SPATA31G1: variants seen among roughly 807,000 people sequenced by gnomAD.
The protein encoded by SPATA31G1 is spermatogenesis-associated protein 31G1.
the SPATA31G1 span, chr9:35,041,607 C>T: frequency 0.22 from 33,458 of 153,556 alleles, 4,060 homozygotes; most frequent in East Asian, 0.54. Flanking sequence ...ATGGTTCACG[C>T]CTATAATCCC....
chr9:35,043,599 T>C, the SPATA31G1 span: 1 of 1,614,126 alleles, frequency 6.2e-7, no homozygotes, highest in South Asian at 1.1e-5. Flanking sequence ...TGAGACTCAT[T>C]TGGAAACCAC....
At chr9:35,043,019 G>C in the SPATA31G1 span, 1 of 1,614,148 alleles carries the variant, frequency 6.2e-7, no homozygotes, top group Admixed American at 1.7e-5. Flanking sequence ...CCACTGGAGA[G>C]CAAGCCACTC....
At chr9:35,042,694 T>G in the SPATA31G1 span, 1 of 1,146,604 alleles carries the variant, frequency 8.7e-7, no homozygotes, top group East Asian at 2.4e-5. Flanking sequence ...GAGGACTGGG[T>G]AATGACCATT....
At chr9:35,042,431 T>C in the SPATA31G1 span, 3 of 1,614,188 alleles carry the variant, frequency 1.9e-6, no homozygotes, top group East Asian at 4.5e-5. Context: ...GGTGGCAGCT[T>C]GGGAGGTTGC....
the SPATA31G1 span, chr9:35,044,144 G>C: frequency 2.1e-4 from 345 of 1,614,142 alleles, 1 homozygote; most frequent in Non-Finnish European, 4.4e-5. Flanking sequence ...GGCAGAAAGA[G>C]AACCTCTGGG....
At chr9:35,044,544 G>C in the SPATA31G1 span, 1 of 1,614,154 alleles carries the variant, frequency 6.2e-7, no homozygotes, top group Non-Finnish European at 8.5e-7. Flanking sequence ...CTGTGTTCCT[G>C]TGTTCCCAGG....
the SPATA31G1 span, chr9:35,044,397 G>A: frequency 6.2e-7 from 1 of 1,613,996 alleles, no homozygotes; most frequent in Non-Finnish European, 8.5e-7. Context: ...TAGATGTGGG[G>A]ACATACAAAA....
At chr9:35,042,311 G>C in the SPATA31G1 span, 1 of 1,614,178 alleles carries the variant, frequency 6.2e-7, no homozygotes, top group Non-Finnish European at 8.5e-7. Context: ...GGCTTCTCTG[G>C]GGCCAACTGA....
chr9:35,042,598 G>C, the SPATA31G1 span: 1 of 1,504,780 alleles, frequency 6.6e-7, no homozygotes, highest in South Asian at 1.2e-5. Flanking sequence ...TGTGAGGCTG[G>C]GTGAGTAACC....
chr9:35,044,537 T>C, the SPATA31G1 span: 6 of 1,613,988 alleles, frequency 3.7e-6, no homozygotes, highest in Non-Finnish European at 5.1e-6. Context: ...AAGAAAACTG[T>C]GTTCCTGTGT....
chr9:35,042,329 C>T, the SPATA31G1 span: 2 of 1,614,070 alleles, frequency 1.2e-6, no homozygotes, highest in African/African-American at 2.7e-5. Context: ...TGACCCATGC[C>T]CTAGCCTGCA....
the SPATA31G1 span, chr9:35,045,581 T>TA: frequency 6.2e-7 from 1 of 1,614,068 alleles, no homozygotes; most frequent in African/African-American, 1.3e-5. Flanking sequence ...TAGAGGCCCC[T>TA]GTAAGCACAT....
the SPATA31G1 span, chr9:35,043,358 T>TC: frequency 4.2e-5 from 67 of 1,613,990 alleles, no homozygotes; most frequent in Non-Finnish European, 5.2e-5. Flanking sequence ...ACCTGTTGCT[T>TC]CCCCAGTATC....
At chr9:35,043,992 G>A in the SPATA31G1 span, 1 of 1,612,902 alleles carries the variant, frequency 6.2e-7, no homozygotes, top group African/African-American at 1.3e-5. Flanking sequence ...ACCATGGAAG[G>A]GCATGCAAAG....
the SPATA31G1 span, chr9:35,043,312 T>C: frequency 6.2e-7 from 1 of 1,614,176 alleles, no homozygotes. Flanking sequence ...TGTTCTTCTG[T>C]CTTCTTCAAC....
chr9:35,045,021 C>A, the SPATA31G1 span: 2 of 1,614,188 alleles, frequency 1.2e-6, no homozygotes, highest in Non-Finnish European at 1.7e-6. Flanking sequence ...GCGGCAGAGC[C>A]CTGCCTCCAG....
chr9:35,043,645 C>A, the SPATA31G1 span: 73 of 1,614,026 alleles, frequency 4.5e-5, no homozygotes, highest in Non-Finnish European at 5.5e-5. Flanking sequence ...TTTGAGCCTC[C>A]GATGCCACCC....
the SPATA31G1 span, chr9:35,043,635 T>A: frequency 6.2e-7 from 1 of 1,614,160 alleles, no homozygotes; most frequent in Non-Finnish European, 8.5e-7. Flanking sequence ...GCCCCAAGCT[T>A]TTGAGCCTCC....
At chr9:35,043,232 T>C in the SPATA31G1 span, 1 of 1,614,214 alleles carries the variant, frequency 6.2e-7, no homozygotes, top group Non-Finnish European at 8.5e-7. Flanking sequence ...GTCTCCCCTC[T>C]CTGCACAGCG....
Sources: allele counts gnomAD v4.1 joint callset, GRCh38; gene constraint gnomAD v4.1.1; transcripts MANE v1.5; gene names NCBI Gene and HGNC (gene_info 2026-07-23, HGNC 2026-07-21).